TC2N: variants seen among roughly 807,000 people sequenced by gnomAD.
The protein encoded by TC2N is tandem C2 domains nuclear protein.
TC2N carries 51 observed loss-of-function variants against 61.9 expected under a neutral mutation model. That is an observed-to-expected ratio of 0.82 (90% CI 0.66 to 1.04). The LOEUF (loss-of-function observed/expected upper bound fraction) is 1.04. TC2N is among the 50% of genes least tolerant of loss of function. TC2N has a pLI of 0.00. For synonymous variants in TC2N, 204 were observed against 192.6 expected, an observed-to-expected ratio of 1.06 and a Z score of -0.49; for missense variants, 556 against 566.7, an observed-to-expected ratio of 0.98 and a Z score of 0.19.
chr14:91,787,774 T>C (rs1003723473), intron 9 of TC2N, 147 bp from the exon 10 acceptor site: 5 of 578,636 alleles, frequency 8.6e-6, no homozygotes, highest in Non-Finnish European at 1.5e-5. Context: ...GACAAAGTTA[T>C]GAAGATAAAT....
In TC2N at chr14:91,782,268, C is replaced by T. The variant is rs549945835; in HGVS notation, c.*832G>A. ...TAATCTAAATTTTAAAAACTAAAAACGAAGTGATTATCATAAAATACTGAA... is the reference window on the plus strand; with the variant it reads ...TAATCTAAATTTTAAAAACTAAAAATGAAGTGATTATCATAAAATACTGAA... On this transcript the variant is annotated 3_prime_UTR_variant, in exon 12 of 12. Transcript: ENST00000435962. 1.2e-4 allele frequency: 18 copies of T among 151,826 alleles called. No individual in the cohort carries two copies. The highest frequency in any genetic ancestry group is 4.6e-4 in the Admixed American group (7 of 15,258). 9.4% of individuals were successfully genotyped at this position (151,826 alleles called of 1,614,324 possible).
chr14:91,804,356 G>A (rs1886404250), intron 3 of TC2N, among the ~76,000 whole-genome samples: 1 of 152,098 alleles, frequency 6.6e-6, no homozygotes, highest in Admixed American at 6.5e-5. Flanking sequence ...CAACTGAAGT[G>A]CTTGTACATG....
chr14:91,802,041 A>G (rs1176328183), intron 4 of TC2N, among the ~76,000 whole-genome samples: 4 of 152,242 alleles, frequency 2.6e-5, no homozygotes, highest in Non-Finnish European at 1.5e-5. Context: ...TGGAATTTAG[A>G]ACTACCAACA....
intron 1 of TC2N, among the ~76,000 whole-genome samples, chr14:91,835,689 T>C (rs893054028): frequency 6.6e-6 from 1 of 152,232 alleles, no homozygotes; most frequent in African/African-American, 2.4e-5. Context: ...GCTGGGTAGA[T>C]TGTGGTTTGC....
intron 1 of TC2N, among the ~76,000 whole-genome samples, chr14:91,823,239 G>A (rs1280259304): frequency 1.3e-5 from 2 of 151,914 alleles, no homozygotes; most frequent in Admixed American, 6.6e-5. Context: ...TTTTATCAGG[G>A]GCCAGGCATG....
chr14:91,810,851 G>A (rs918140368), intron 3 of TC2N, among the ~76,000 whole-genome samples: 2 of 149,782 alleles, frequency 1.3e-5, no homozygotes. Flanking sequence ...CTAAAGAACA[G>A]AGAAAAAAAG....
chr14:91,792,663 T>C, intron 8 of TC2N, 105 bp from the exon 9 acceptor site: 1 of 530,286 alleles, frequency 1.9e-6, no homozygotes, highest in Non-Finnish European at 3.0e-6. Context: ...TTCAATTCTT[T>C]TTACAACAAA....
chr14:91,825,240 G>C (rs1887446525), intron 1 of TC2N, among the ~76,000 whole-genome samples: 1 of 151,848 alleles, frequency 6.6e-6, no homozygotes, highest in African/African-American at 2.4e-5. Context: ...CACCATCTTG[G>C]CCAGGTTGGT....
At chr14:91,854,122 T>G (rs1888431920) in intron 1 of TC2N, among the ~76,000 whole-genome samples, 1 of 152,006 alleles carries the variant, frequency 6.6e-6, no homozygotes, top group African/African-American at 2.4e-5. Context: ...TGATCTAAGT[T>G]AAATAGGTTT....
At chr14:91,807,108 G>A (rs1165796182) in intron 3 of TC2N, among the ~76,000 whole-genome samples, 1 of 152,242 alleles carries the variant, frequency 6.6e-6, no homozygotes, top group Non-Finnish European at 1.5e-5. Context: ...CACAAGAATT[G>A]AGGTTTGGGA....
At chr14:91,855,029 T>A (rs1888455926) in intron 1 of TC2N, among the ~76,000 whole-genome samples, 1 of 152,146 alleles carries the variant, frequency 6.6e-6, no homozygotes, top group Non-Finnish European at 1.5e-5. Flanking sequence ...GAGCTGGAGT[T>A]CTGCATAATA....
chr14:91,858,382 G>C (rs1185266700), intron 1 of TC2N, among the ~76,000 whole-genome samples: 1 of 152,096 alleles, frequency 6.6e-6, no homozygotes, highest in African/African-American at 2.4e-5. Context: ...CTGAGGCTCA[G>C]AGAGGCCAGA....
chr14:91,809,882 G>A (rs1886688035), intron 3 of TC2N, among the ~76,000 whole-genome samples: 2 of 152,132 alleles, frequency 1.3e-5, no homozygotes. Context: ...AGTCCAACCA[G>A]TTTACTTGTC....
At chr14:91,852,987 C>T (rs575536579) in intron 1 of TC2N, among the ~76,000 whole-genome samples, 18 of 152,094 alleles carry the variant, frequency 1.2e-4, no homozygotes, top group Non-Finnish European at 2.6e-4. Context: ...AGGAGAATGG[C>T]GTGAACCTGG....
In TC2N at chr14:91,783,040, T is replaced by G; in HGVS notation, c.*60A>C. On this transcript the variant is annotated 3_prime_UTR_variant, in exon 12 of 12. Transcript: ENST00000435962. ...TTGCCTCTTCTCATTGGTAGCAAAT[T>G]GAAATCATAAGTCTTCTAAAAGAAT... 9.0e-7 allele frequency: 1 copy of G among 1,111,144 alleles called. No individual in the cohort carries two copies. The highest frequency in any genetic ancestry group is 1.4e-6 in the Non-Finnish European group (1 of 740,064). The allele number at this position is 1,111,144 out of a possible 1,614,324, so 68.8% of individuals were successfully genotyped here. A position where few individuals can be genotyped will look rare whatever the true frequency, so the allele number is the denominator to read the frequency against.
intron 8 of TC2N, among the ~76,000 whole-genome samples, chr14:91,796,952 C>G (rs1331715789): frequency 1.0e-5 from 1 of 96,268 alleles, no homozygotes; most frequent in Admixed American, 1.3e-4. Flanking sequence ...AACAAAACTT[C>G]CAAGAGTATT....
chr14:91,789,234 C>A (rs890754505), intron 9 of TC2N, among the ~76,000 whole-genome samples: 23 of 151,866 alleles, frequency 1.5e-4, no homozygotes, highest in African/African-American at 5.3e-4. Context: ...TTCCCACTTG[C>A]CAAGGTTATT....
At chr14:91,836,610 C>CGGGGAGGGGCGAGGCAAGGA (rs1566786053) in intron 1 of TC2N, 1 of 143,734 alleles carries the variant, frequency 7.0e-6, no homozygotes, top group East Asian at 2.2e-4. Context: ...CGAGGCAAGG[C>CGGGGAGGGGCGAGGCAAGGA]GGGGAGGGGC....
chr14:91,839,989 A>G (rs1888134624), intron 1 of TC2N, among the ~76,000 whole-genome samples: 1 of 152,192 alleles, frequency 6.6e-6, no homozygotes, highest in Admixed American at 6.5e-5. Context: ...ATGGAATTTG[A>G]GCAGAAATAG....
Sources: gnomAD v4.1 joint callset for allele counts (sites outside exome capture counted in the v4.1 genomes callset) on GRCh38, gnomAD v4.1.1 for gene constraint, MANE v1.5 for transcripts, NCBI Gene and HGNC (gene_info 2026-07-23, HGNC 2026-07-21) for gene names.